The following DACH1 variants were observed in gnomAD, a reference collection of about 807,000 sequenced individuals.
DACH1 encodes the protein dachshund homolog 1.
A neutral mutation model predicts 54.2 loss-of-function variants in DACH1; 12 were observed. The observed-to-expected ratio is 0.22, with a 90% CI of 0.14 to 0.36. The LOEUF (loss-of-function observed/expected upper bound fraction) is 0.36, where lower values mean the gene tolerates loss of function less well. Among genes scored for constraint, DACH1 ranks in the 10% least tolerant of loss-of-function variants. DACH1 has a pLI of 1.00. For missense variants in DACH1, 805 were observed against 929.8 expected (o/e 0.87, Z 1.75); for synonymous variants, 386 against 366.2 (o/e 1.05, Z -0.62).
In DACH1 at chr13:71,546,255, T is replaced by A. The variant is rs1883458153; in HGVS notation, c.1570+10769A>T. Among the ~76,000 whole-genome samples the A allele has an allele frequency of 2.0e-5, 3 of 151,986 alleles. No homozygotes were observed. The South Asian group carries it at 6.2e-4, about 31-fold the overall frequency. On this transcript the variant is annotated intron_variant, in intron 6 of 10. Transcript: ENST00000613252. ...CTGATTTACCTTCACAAAAGTATAA[T>A]TCTCAAGCACTTGTGCACCAGATTA...
At chr13:71,781,559 T>C (rs1886380295) in intron 1 of DACH1, among the ~76,000 whole-genome samples, 1 of 151,772 alleles carries the variant, frequency 6.6e-6, no homozygotes, top group Non-Finnish European at 1.5e-5. Context: ...TTTCTATTTT[T>C]AGTAGAGACG....
chr13:71,719,453 T>A (rs1047863312), intron 1 of DACH1, among the ~76,000 whole-genome samples: 2 of 152,136 alleles, frequency 1.3e-5, no homozygotes, highest in Non-Finnish European at 2.9e-5. Flanking sequence ...TACATTTCAG[T>A]TCACATTACA....
intron 1 of DACH1, among the ~76,000 whole-genome samples, chr13:71,788,801 T>C (rs1433521280): frequency 6.6e-6 from 1 of 152,148 alleles, no homozygotes; most frequent in African/African-American, 2.4e-5. Context: ...AATATGCTGT[T>C]GTAATAACTT....
chr13:71,475,513 A>G (rs1424628395), intron 9 of DACH1, among the ~76,000 whole-genome samples, 193 bp downstream of exon 9: 1 of 152,190 alleles, frequency 6.6e-6, no homozygotes, highest in African/African-American at 2.4e-5. Context: ...GCTGGAGTTC[A>G]GTAAAAAACA....
chr13:71,449,792 G>A (rs1379108811), intron 10 of DACH1, among the ~76,000 whole-genome samples: 1 of 151,628 alleles, frequency 6.6e-6, no homozygotes, highest in Non-Finnish European at 1.5e-5. Flanking sequence ...ATCACAAACC[G>A]CTTTTATATA....
At chr13:71,779,144 T>C (rs1886203762) in intron 1 of DACH1, among the ~76,000 whole-genome samples, 1 of 137,418 alleles carries the variant, frequency 7.3e-6, no homozygotes, top group Non-Finnish European at 1.6e-5. Flanking sequence ...TATACACATA[T>C]ATACACATAT....
chr13:71,463,473 A>G (rs1306437467), intron 10 of DACH1, among the ~76,000 whole-genome samples: 1 of 151,926 alleles, frequency 6.6e-6, no homozygotes, highest in East Asian at 1.9e-4. Context: ...CACCCTCATT[A>G]TCTACTTTAA....
chr13:71,804,614 A>G (rs1326382274), intron 1 of DACH1, among the ~76,000 whole-genome samples: 1 of 152,180 alleles, frequency 6.6e-6, no homozygotes, highest in African/African-American at 2.4e-5. Context: ...CATTAGCTAC[A>G]TGATTGGACC....
Sources: allele counts gnomAD v4.1 joint callset (sites outside exome capture counted in the v4.1 genomes callset), GRCh38; gene constraint gnomAD v4.1.1; transcripts MANE v1.5; gene names NCBI Gene and HGNC (gene_info 2026-07-23, HGNC 2026-07-21).